The following RIOK2 variants were observed in gnomAD, a reference collection of about 807,000 sequenced individuals.
RIOK2 encodes RIO kinase 2, also known as serine/threonine-protein kinase RIO2.
RIOK2 carries 46 observed loss-of-function variants against 62.4 expected under a neutral mutation model. That is an observed-to-expected ratio of 0.74 (90% CI 0.58 to 0.94). The LOEUF (loss-of-function observed/expected upper bound fraction) is 0.94, where lower values mean the gene tolerates loss of function less well. Among genes scored for constraint, RIOK2 ranks in the 40% least tolerant of loss-of-function variants. RIOK2 has a pLI of 0.00. For missense variants in RIOK2, 574 were observed against 658.0 expected (o/e 0.87, Z 1.40); for synonymous variants, 197 against 216.0 (o/e 0.91, Z 0.77).
intron 1 of RIOK2, among the ~76,000 whole-genome samples, chr5:97,180,828 A>G (rs1749387035): frequency 6.6e-6 from 1 of 152,150 alleles, no homozygotes; most frequent in Middle Eastern, 3.2e-3. Flanking sequence ...TGGAAGGGTA[A>G]AGGGAACGGA....
Position 97,171,522 on chromosome 5 carries a change from T to C in RIOK2, c.588-125A>G, listed in dbSNP as rs1197435770. 3 of 514,540 alleles carry C rather than the reference T, an allele frequency of 5.8e-6. No homozygotes were observed. In the East Asian group the frequency reaches 1.0e-4, roughly 18 times the overall value. 31.9% of individuals were successfully genotyped at this position (514,540 alleles called of 1,614,324 possible). A position where few individuals can be genotyped will look rare whatever the true frequency, so the allele number is the denominator to read the frequency against. On this transcript the variant is annotated intron_variant, in intron 5 of 9. Coordinates refer to ENST00000283109, the MANE Select transcript of RIOK2 (RefSeq NM_018343.3). ...GTATCCCCAGCAGCTTTCTTCTCAT[T>C]CCCATCAGCACACAGATATAATATC...
chr5:97,177,978 A>T, intron 2 of RIOK2, 130 bp from the exon 3 acceptor site: 1 of 608,108 alleles, frequency 1.6e-6, no homozygotes, highest in Non-Finnish European at 2.9e-6. Context: ...CCAGGCTCAC[A>T]AGCTTCCAAT....
intron 1 of RIOK2, among the ~76,000 whole-genome samples, chr5:97,179,464 A>ATTTG (rs1749275839): frequency 1.3e-5 from 2 of 152,162 alleles, no homozygotes; most frequent in Admixed American, 6.6e-5. Flanking sequence ...ACTTGATGAC[A>ATTTG]CCTAAACATT....
chr5:97,167,273 C>T, intron 8 of RIOK2, 194 bp downstream of exon 8: 1 of 1,432,626 alleles, frequency 7.0e-7, no homozygotes, highest in Non-Finnish European at 9.1e-7. Flanking sequence ...AATAGGCTGC[C>T]TAGAATCAGG....
At chr5:97,164,978 T>C in intron 9 of RIOK2, 73 bp downstream of exon 9, 1 of 986,316 alleles carries the variant, frequency 1.0e-6, no homozygotes. Flanking sequence ...TACATTATTG[T>C]TTAATGAGAC....
Position 97,173,231 on chromosome 5 carries a change from C to T in RIOK2, c.531G>A (p.Lys177=). 1 of 1,613,240 alleles carries T rather than the reference C, an allele frequency of 6.2e-7. No individual in the cohort carries two copies. Among genetic ancestry groups the T allele is most frequent in the Non-Finnish European group, 8.5e-7 (1 of 1,179,588 alleles). ...ALYERKFPVP[K]PIDYNRHAVV... is the part of the protein sequence containing the mutation. ...CTGCATGACGATTGTAATCAATTGGCTTTGGAACTGGAAATTTCCTCTCAT... is the reference window on the plus strand; with the variant it reads ...CTGCATGACGATTGTAATCAATTGGTTTTGGAACTGGAAATTTCCTCTCAT... Residue 177 remains lysine (K), a synonymous_variant, in exon 5 of 10, where the codon AAG becomes AAA. Transcript: ENST00000283109.
At chr5:97,173,295 G>A (rs1176071659) in intron 4 of RIOK2, 32 bp from the exon 5 acceptor site, 5 of 1,344,176 alleles carry the variant, frequency 3.7e-6, no homozygotes, top group South Asian at 2.4e-5. Flanking sequence ...GTAAGCTAAT[G>A]AACAGGTCAT....
At chr5:97,172,010 T>A (rs567233365) in intron 5 of RIOK2, among the ~76,000 whole-genome samples, 1 of 152,306 alleles carries the variant, frequency 6.6e-6, no homozygotes, top group South Asian at 2.1e-4. Flanking sequence ...CACTTAACTC[T>A]TGGGACACCA....
chr5:97,166,250 CTAATACAA>C, intron 8 of RIOK2: 1 of 454,302 alleles, frequency 2.2e-6, no homozygotes, highest in Non-Finnish European at 4.4e-6. Context: ...AGAATCCAGT[CTAATACAA>C]TCACTTACTC....
chr5:97,167,887 A>C lies in RIOK2; in HGVS notation c.977T>G (p.Ile326Ser), dbSNP rs759975930. 3 of 1,613,352 alleles carry C rather than the reference A, an allele frequency of 1.9e-6. No homozygotes were observed. Among genetic ancestry groups the C allele is most frequent in the Non-Finnish European group, 2.5e-6 (3 of 1,180,004 alleles). Residue 326 changes from isoleucine (I) to serine (S), a missense_variant, in exon 8 of 10, where the codon ATT becomes AGT. Coordinates refer to ENST00000283109, the MANE Select transcript of RIOK2 (RefSeq NM_018343.3). ...LHPLGPDDKN[I>S]ETKEGSEFSF... ...GAATTCAGATCCCTCTTTTGTTTCA[A>C]TATTTTTATCATCTGGACCTAATGG...
chr5:97,166,419 A>C (rs1423799253), intron 8 of RIOK2: 1 of 400,126 alleles, frequency 2.5e-6, no homozygotes, highest in Admixed American at 2.8e-5. Context: ...CAGGAATAAA[A>C]CTTTAAAGAT....
At chr5:97,169,551 G>A (rs537116776) in intron 6 of RIOK2, among the ~76,000 whole-genome samples, 20 of 152,302 alleles carry the variant, frequency 1.3e-4, no homozygotes, top group African/African-American at 4.1e-4. Context: ...ACAGGATAAT[G>A]TGCAATTGAC....
chr5:97,172,801 T>C (rs944983548), intron 5 of RIOK2, among the ~76,000 whole-genome samples: 2 of 152,256 alleles, frequency 1.3e-5, no homozygotes, highest in African/African-American at 4.8e-5. Flanking sequence ...CTATCTCCCT[T>C]ACTCTGCTTT....
chr5:97,167,517 G>A lies in RIOK2; in HGVS notation c.1347C>T (p.Cys449=), dbSNP rs774425566. 4 of 1,614,156 alleles carry A rather than the reference G, an allele frequency of 2.5e-6. No homozygotes were observed. The highest frequency in any genetic ancestry group is 2.5e-6 in the Non-Finnish European group (3 of 1,180,006). The change falls in exon 8 of 10, where the codon TGC becomes TGT. Residue 449 remains cysteine (C), a synonymous_variant. Transcript: ENST00000283109. ...PAGSDEYEDE[C]PHLIALSSLN... is the part of the protein sequence containing the mutation. ...ATGACGACAAGGCAATTAGATGAGG[G>A]CATTCATCTTCATACTCGTCAGAGC...
chr5:97,167,163 T>G, intron 8 of RIOK2: 1 of 1,149,686 alleles, frequency 8.7e-7, no homozygotes, highest in Non-Finnish European at 1.1e-6. Flanking sequence ...GTGATTTGCC[T>G]GCCTTGGCCT....
Position 97,177,184 on chromosome 5 carries a change from G to A in RIOK2, c.430C>T (p.His144Tyr), listed in dbSNP as rs17849382. 9.5e-4 allele frequency: 1,531 copies of A among 1,613,330 alleles called. 1 individual carries two copies. Among genetic ancestry groups the A allele is most frequent in the Non-Finnish European group, 1.2e-3 (1,367 of 1,179,508 alleles). Residue 144 changes from histidine to tyrosine, a missense_variant, in exon 4 of 10, where the codon CAT becomes TAT. Physicochemically the swap from His to Tyr is moderately conservative, Grantham distance 83. Transcript: ENST00000283109. Reference protein sequence around the residue: ...NLKNKRDYHKHRHNVSWLYLS... With the variant: ...NLKNKRDYHKYRHNVSWLYLS... ...TATAGCCATGACACATTGTGCCTATGTTTATGATAATCGCGTTTGTTTTTC... is the reference window on the plus strand; with the variant it reads ...TATAGCCATGACACATTGTGCCTATATTTATGATAATCGCGTTTGTTTTTC...
intron 9 of RIOK2, among the ~76,000 whole-genome samples, chr5:97,164,316 C>A (rs1322067259): frequency 1.3e-5 from 2 of 151,990 alleles, no homozygotes; most frequent in East Asian, 3.9e-4. Flanking sequence ...GCCTGGCCAA[C>A]ATGGTGAAAC....
intron 6 of RIOK2, among the ~76,000 whole-genome samples, chr5:97,169,210 C>T (rs375465263): frequency 9.2e-5 from 14 of 152,132 alleles, no homozygotes. Flanking sequence ...TTATTCTGTT[C>T]GTCCTGAGTC....
intron 9 of RIOK2, 47 bp downstream of exon 9, chr5:97,165,004 C>A (rs775102878): frequency 1.5e-5 from 18 of 1,238,452 alleles, no homozygotes; most frequent in Non-Finnish European, 1.9e-5. Flanking sequence ...AATCAGATCA[C>A]AGTAGTGATG....
Sources: gnomAD v4.1 joint callset for allele counts (sites outside exome capture counted in the v4.1 genomes callset) on GRCh38, gnomAD v4.1.1 for gene constraint, MANE v1.5 for transcripts, NCBI Gene and HGNC (gene_info 2026-07-23, HGNC 2026-07-21) for gene names.